The following PRTFDC1 variants were observed in gnomAD, a reference collection of about 807,000 sequenced individuals.
The protein encoded by PRTFDC1 is phosphoribosyl transferase domain containing 1.
In PRTFDC1, 38 loss-of-function variants were observed where a neutral mutation model predicts 34.6. The observed-to-expected ratio is 1.10, with a 90% CI of 0.85 to 1.44. The LOEUF (loss-of-function observed/expected upper bound fraction) is 1.44, where lower values mean the gene tolerates loss of function less well. Ranked by LOEUF, PRTFDC1 falls within the 40% of genes most tolerant of loss-of-function variation. The pLI is 0.00. For missense variants in PRTFDC1, 270 were observed against 283.0 expected (o/e 0.95, Z 0.33); for synonymous variants, 93 against 98.1 (o/e 0.95, Z 0.31).
At chr10:24,903,664 C>T (rs1848484250) in intron 3 of PRTFDC1, among the ~76,000 whole-genome samples, 1 of 151,586 alleles carries the variant, frequency 6.6e-6, no homozygotes, top group South Asian at 2.1e-4. Flanking sequence ...TTGATATTCT[C>T]TTCATTTTGT....
chr10:24,871,826 C>A (rs1847873165), intron 4 of PRTFDC1, among the ~76,000 whole-genome samples, 172 bp downstream of exon 4: 1 of 152,068 alleles, frequency 6.6e-6, no homozygotes, highest in African/African-American at 2.4e-5. Flanking sequence ...TGGAAGCATT[C>A]TAAAAAGAAT....
At position 24,900,323 on chromosome 10, in the gene PRTFDC1, G is replaced by A. The variant is rs577387212; in HGVS notation, c.340-28260C>T. Among the ~76,000 whole-genome samples the A allele has an allele frequency of 2.6e-5, 4 of 152,374 alleles. 1 individual carries two copies. The South Asian group carries it at 8.3e-4, about 32-fold the overall frequency. On this transcript the variant is annotated intron_variant, in intron 3 of 8. Coordinates refer to ENST00000320152, the MANE Select transcript of PRTFDC1 (RefSeq NM_020200.7). ...GATTCCCAGTGTCTTAGCTCTGGGTGTGTAGCTTACGCACTGTTCCATGTC... is the reference window on the plus strand; with the variant it reads ...GATTCCCAGTGTCTTAGCTCTGGGTATGTAGCTTACGCACTGTTCCATGTC...
At chr10:24,863,859 T>C (rs1450198664) in intron 4 of PRTFDC1, among the ~76,000 whole-genome samples, 1 of 151,898 alleles carries the variant, frequency 6.6e-6, no homozygotes, top group African/African-American at 2.4e-5. Flanking sequence ...GCGGATTGCT[T>C]GAGCCCAGTA....
chr10:24,852,035 T>C (rs77304176), intron 7 of PRTFDC1, among the ~76,000 whole-genome samples: 222 of 152,184 alleles, frequency 1.5e-3, no homozygotes, highest in African/African-American at 4.7e-3. Flanking sequence ...GTTGCATTAA[T>C]GCTGGTCTTT....
At chr10:24,894,417 G>C (rs940904667) in intron 3 of PRTFDC1, among the ~76,000 whole-genome samples, 1 of 152,152 alleles carries the variant, frequency 6.6e-6, no homozygotes, top group African/African-American at 2.4e-5. Context: ...TGAGCTGTGA[G>C]TCATGCTCTT....
intron 3 of PRTFDC1, among the ~76,000 whole-genome samples, chr10:24,888,204 T>G (rs183202030): frequency 1.8e-4 from 27 of 152,294 alleles, no homozygotes; most frequent in Non-Finnish European, 2.4e-4. Context: ...AGCTCGAGGA[T>G]AGGGACTTTA....
chr10:24,934,412 T>A (rs1186461681), intron 3 of PRTFDC1, among the ~76,000 whole-genome samples: 2 of 152,176 alleles, frequency 1.3e-5, no homozygotes, highest in African/African-American at 4.8e-5. Flanking sequence ...CAGGCCACGA[T>A]GGGAAGAAGA....
Position 24,936,410 on chromosome 10 carries a change from C to G in PRTFDC1, c.339+774G>C, listed in dbSNP as rs115379955. ...CCTCCCACTTCAGCCTCTTGAGTAC[C>G]TGGGACCATAGGCACATGCCACCAC... On this transcript the variant is annotated intron_variant, in intron 3 of 8. Transcript: ENST00000320152. 6.4e-3 allele frequency among the ~76,000 whole-genome samples: 975 copies of G among 152,104 alleles called. 14 individuals carry two copies. The highest frequency in any genetic ancestry group is 0.022 in the African/African-American group (927 of 41,474).
rs1564316126 is a variant in PRTFDC1 at position 24,929,063 on chromosome 10, AGAAAGAAAG to A, written c.339+8112_339+8120del. On this transcript the variant is annotated intron_variant, in intron 3 of 8. Transcript: ENST00000320152. ...CTCAAAAAAAAAAAAAAAGAAAGAA[AGAAAGAAAG>A]AAAGGGAGGCTTTCAATTCCAGGCA... Among the ~76,000 whole-genome samples the A allele has an allele frequency of 2.0e-4, 27 of 133,720 alleles. 2 individuals carry two copies. The highest frequency in any genetic ancestry group is 6.1e-4 in the African/African-American group (19 of 31,088). 87.7% of individuals were successfully genotyped at this position (133,720 alleles called of 152,430 possible). A position where few individuals can be genotyped will look rare whatever the true frequency, so the allele number is the denominator to read the frequency against.
At chr10:24,939,683 A>C (rs1204213908) in intron 2 of PRTFDC1, among the ~76,000 whole-genome samples, 1 of 150,820 alleles carries the variant, frequency 6.6e-6, no homozygotes. Context: ...AATCCCAGCT[A>C]CTTGGGAGGC....
chr10:24,900,382 G>A (rs1371798597), intron 3 of PRTFDC1, among the ~76,000 whole-genome samples: 1 of 152,238 alleles, frequency 6.6e-6, no homozygotes, highest in Admixed American at 6.5e-5. Context: ...TAACAAGCCA[G>A]GAACTCGGAA....
chr10:24,948,199 C>T (rs897744144), intron 1 of PRTFDC1, among the ~76,000 whole-genome samples: 1 of 152,190 alleles, frequency 6.6e-6, no homozygotes, highest in East Asian at 1.9e-4. Flanking sequence ...TTTCTGATTT[C>T]TCTCTTCTCC....
chr10:24,861,783 A>G (rs1847683530), intron 4 of PRTFDC1, among the ~76,000 whole-genome samples: 1 of 152,064 alleles, frequency 6.6e-6, no homozygotes, highest in Admixed American at 6.6e-5. Flanking sequence ...AAAAGGGTTT[A>G]AGTACAAATG....
chr10:24,927,552 A>C (rs1189394497), intron 3 of PRTFDC1, among the ~76,000 whole-genome samples: 1 of 151,936 alleles, frequency 6.6e-6, no homozygotes, highest in Non-Finnish European at 1.5e-5. Flanking sequence ...TGTTTGCAAA[A>C]GAGTATTGAA....
At chr10:24,871,182 C>T (rs1014415000) in intron 4 of PRTFDC1, among the ~76,000 whole-genome samples, 8 of 150,298 alleles carry the variant, frequency 5.3e-5, no homozygotes, top group African/African-American at 7.4e-5. Flanking sequence ...CATTGCATAA[C>T]GATAACAAGC....
intron 2 of PRTFDC1, among the ~76,000 whole-genome samples, chr10:24,938,811 G>A (rs1396988281): frequency 6.6e-6 from 1 of 152,188 alleles, no homozygotes; most frequent in Non-Finnish European, 1.5e-5. Context: ...TGCAGAGAAG[G>A]CACAAGAAAG....
intron 4 of PRTFDC1, among the ~76,000 whole-genome samples, chr10:24,870,192 C>T (rs1012805697): frequency 2.6e-5 from 4 of 152,164 alleles, no homozygotes; most frequent in African/African-American, 9.7e-5. Flanking sequence ...TCACTGCAGC[C>T]TTAACTCTTG....
At chr10:24,894,047 C>A (rs1848307795) in intron 3 of PRTFDC1, among the ~76,000 whole-genome samples, 1 of 152,022 alleles carries the variant, frequency 6.6e-6, no homozygotes, top group Non-Finnish European at 1.5e-5. Context: ...AATAGGACTT[C>A]ATTGGCCGGG....
At chr10:24,859,709 T>G (rs767699636) in intron 4 of PRTFDC1, among the ~76,000 whole-genome samples, 3 of 152,200 alleles carry the variant, frequency 2.0e-5, no homozygotes, top group Non-Finnish European at 4.4e-5. Flanking sequence ...GAGGAAGGAC[T>G]AATACACGAT....
Sources: gnomAD v4.1 joint callset for allele counts (sites outside exome capture counted in the v4.1 genomes callset) on GRCh38, gnomAD v4.1.1 for gene constraint, MANE v1.5 for transcripts, NCBI Gene and HGNC (gene_info 2026-07-23, HGNC 2026-07-21) for gene names.